ADGRB3: variants seen among roughly 807,000 people sequenced by gnomAD.
ADGRB3 encodes brain-specific angiogenesis inhibitor 3.
A neutral mutation model predicts 193.4 loss-of-function variants in ADGRB3; 37 were observed. The observed-to-expected ratio is 0.19, with a 90% confidence interval of 0.15 to 0.25. ADGRB3 has a LOEUF of 0.25. ADGRB3 is among the 10% of genes least tolerant of loss of function. The pLI, the probability that ADGRB3 is intolerant of heterozygous loss-of-function variation, is 1.00. For missense variants in ADGRB3, 1,637 were observed against 1,852.9 expected (o/e 0.88, Z 2.14); for synonymous variants, 690 against 644.2 (o/e 1.07, Z -1.08).
At position 68,960,274 on chromosome 6, in the gene ADGRB3, C is replaced by T. The variant is rs549156996; in HGVS notation, c.1525+3465C>T. Among the ~76,000 whole-genome samples the T allele has an allele frequency of 4.9e-4, 74 of 152,210 alleles. 1 individual carries two copies. The highest frequency in any genetic ancestry group is 1.7e-3 in the African/African-American group (70 of 41,530). On this transcript the variant is annotated intron_variant, in intron 8 of 31. Coordinates refer to ENST00000370598, the MANE Select transcript of ADGRB3 (RefSeq NM_001704.3). ...TGTCTGTAAGTGGTGGGTGAGGCCT[C>T]CAGGTTAAATGTGCTGATAAACACT...
intron 3 of ADGRB3, among the ~76,000 whole-genome samples, chr6:68,713,630 T>C (rs1291595242): frequency 6.6e-6 from 1 of 151,608 alleles, no homozygotes; most frequent in Non-Finnish European, 1.5e-5. Flanking sequence ...CAGTGGTACC[T>C]TTCTTGTTAA....
At chr6:69,251,968 G>T (rs1031103644) in intron 20 of ADGRB3, among the ~76,000 whole-genome samples, 5 of 152,112 alleles carry the variant, frequency 3.3e-5, no homozygotes, top group African/African-American at 4.8e-5. Context: ...ATATGATGAG[G>T]TTGGACCAAT....
At chr6:68,691,973 C>G (rs533237005) in intron 3 of ADGRB3, among the ~76,000 whole-genome samples, 1 of 151,656 alleles carries the variant, frequency 6.6e-6, no homozygotes, top group African/African-American at 2.4e-5. Context: ...GTGAAAGAAG[C>G]TTGTTTTTCA....
At chr6:69,129,648 T>C (rs760171291) in intron 17 of ADGRB3, among the ~76,000 whole-genome samples, 4 of 152,150 alleles carry the variant, frequency 2.6e-5, no homozygotes, top group Non-Finnish European at 4.4e-5. Context: ...ACATTATTGC[T>C]TCCCAGGTTA....
intron 17 of ADGRB3, among the ~76,000 whole-genome samples, chr6:69,222,793 A>G (rs1765924344): frequency 6.6e-6 from 1 of 152,160 alleles, no homozygotes; most frequent in Admixed American, 6.5e-5. Context: ...GAGCTTTTTC[A>G]CTTTGAACAC....
intron 17 of ADGRB3, among the ~76,000 whole-genome samples, chr6:69,173,627 TA>T (rs1775346651): frequency 6.6e-6 from 1 of 152,062 alleles, no homozygotes; most frequent in Admixed American, 6.6e-5. Flanking sequence ...GATATTATAA[TA>T]GTCAATTAAC....
intron 17 of ADGRB3, among the ~76,000 whole-genome samples, chr6:69,166,051 C>G (rs1775125686): frequency 6.6e-6 from 1 of 152,092 alleles, no homozygotes; most frequent in African/African-American, 2.4e-5. Flanking sequence ...TACCGTTGTA[C>G]TCAGAATTTT....
chr6:69,269,813 A>G (rs983246698), intron 20 of ADGRB3, among the ~76,000 whole-genome samples: 2 of 152,168 alleles, frequency 1.3e-5, no homozygotes, highest in African/African-American at 2.4e-5. Context: ...CTGTATCATA[A>G]TTTCCTTTAG....
chr6:68,929,794 A>AT (rs1188094851), intron 3 of ADGRB3, among the ~76,000 whole-genome samples: 1 of 152,006 alleles, frequency 6.6e-6, no homozygotes, highest in African/African-American at 2.4e-5. Context: ...TACTCAACTA[A>AT]TTTTTTTCTT....
At chr6:69,339,035 T>A in intron 25 of ADGRB3, 21 bp downstream of exon 25, 1 of 1,611,132 alleles carries the variant, frequency 6.2e-7, no homozygotes, top group Non-Finnish European at 8.5e-7. Flanking sequence ...ATCATTTACA[T>A]CTTCTTGTTA....
At chr6:68,912,666 A>G (rs1766751636) in intron 3 of ADGRB3, among the ~76,000 whole-genome samples, 1 of 151,824 alleles carries the variant, frequency 6.6e-6, no homozygotes, top group Admixed American at 6.6e-5. Flanking sequence ...ATGATTTCCA[A>G]TTTCATCCAT....
chr6:69,100,969 G>GGGAA (rs370758352), intron 17 of ADGRB3, among the ~76,000 whole-genome samples: 20 of 112,166 alleles, frequency 1.8e-4, no homozygotes, highest in African/African-American at 4.3e-4. Context: ...GAGGGAGAAA[G>GGGAA]GGAAGGAAGG....
chr6:68,854,199 T>C (rs891163894), intron 3 of ADGRB3, among the ~76,000 whole-genome samples: 3 of 152,138 alleles, frequency 2.0e-5, no homozygotes, highest in South Asian at 4.1e-4. Flanking sequence ...ATCTCTGCAG[T>C]TCTCTGGCTA....
At chr6:69,070,620 G>A (rs1415335109) in intron 16 of ADGRB3, among the ~76,000 whole-genome samples, 5 of 152,078 alleles carry the variant, frequency 3.3e-5, no homozygotes, top group African/African-American at 1.2e-4. Context: ...TAAATTTGAT[G>A]TGAAAAAAAA....
chr6:68,707,573 G>A (rs1050385233), intron 3 of ADGRB3, among the ~76,000 whole-genome samples: 1 of 152,054 alleles, frequency 6.6e-6, no homozygotes, highest in African/African-American at 2.4e-5. Flanking sequence ...ATGGGCTAAA[G>A]ATTAAAATAC....
intron 17 of ADGRB3, among the ~76,000 whole-genome samples, chr6:69,138,389 G>A (rs1230286820): frequency 6.6e-6 from 1 of 152,194 alleles, no homozygotes; most frequent in Non-Finnish European, 1.5e-5. Context: ...GCTATGTAAT[G>A]ACTCTGACAT....
intron 26 of ADGRB3, among the ~76,000 whole-genome samples, chr6:69,344,774 A>G (rs182703472): frequency 6.6e-5 from 10 of 152,178 alleles, no homozygotes; most frequent in Admixed American, 5.2e-4. Context: ...GAAGGAGGAG[A>G]TGATAAAAGA....
intron 17 of ADGRB3, among the ~76,000 whole-genome samples, chr6:69,134,923 G>A (rs1488436993): frequency 6.6e-6 from 1 of 151,900 alleles, no homozygotes; most frequent in Non-Finnish European, 1.5e-5. Context: ...TGATTACATA[G>A]GTTTTCATAT....
intron 13 of ADGRB3, among the ~76,000 whole-genome samples, chr6:69,026,708 T>C (rs1039641058): frequency 3.3e-5 from 5 of 152,230 alleles, no homozygotes; most frequent in African/African-American, 1.2e-4. Context: ...CTACAGGGTA[T>C]AGCCTATTGC....
Sources: gnomAD v4.1 joint callset for allele counts (sites outside exome capture counted in the v4.1 genomes callset) on GRCh38, gnomAD v4.1.1 for gene constraint, MANE v1.5 for transcripts, NCBI Gene and HGNC (gene_info 2026-07-23, HGNC 2026-07-21) for gene names.